RPA1: variants seen among roughly 807,000 people sequenced by gnomAD.
The protein encoded by RPA1 is replication protein A1, also known as replication protein A 70 kDa DNA-binding subunit.
A neutral mutation model predicts 83.0 loss-of-function variants in RPA1; 49 were observed. That is an observed-to-expected ratio of 0.59 (90% confidence interval 0.47 to 0.75). The LOEUF (loss-of-function observed/expected upper bound fraction) is 0.75. Ranked by LOEUF, RPA1 falls within the 30% of genes least tolerant of loss-of-function variation. The pLI is 0.00. For synonymous variants in RPA1, 279 were observed against 281.8 expected, an observed-to-expected ratio of 0.99 and a Z score of 0.10; for missense variants, 693 against 776.1, an observed-to-expected ratio of 0.89 and a Z score of 1.27.
intron 16 of RPA1, among the ~76,000 whole-genome samples, chr17:1,895,301 G>C (rs1914364702): frequency 6.6e-6 from 1 of 151,838 alleles, no homozygotes. Flanking sequence ...ACAATGGCGG[G>C]GGGGTGGGGA....
At chr17:1,896,597 G>A (rs952072202) in intron 16 of RPA1, among the ~76,000 whole-genome samples, 1 of 152,160 alleles carries the variant, frequency 6.6e-6, no homozygotes, top group Admixed American at 6.6e-5. Context: ...GAAGTGAAGA[G>A]AGGCTGCCTC....
chr17:1,864,646 CCAGTAATT>C (rs1913113334), intron 5 of RPA1, among the ~76,000 whole-genome samples: 1 of 151,894 alleles, frequency 6.6e-6, no homozygotes, highest in Non-Finnish European at 1.5e-5. Flanking sequence ...GGAATTGAAC[CCAGTAATT>C]CTTAGGCTGG....
chr17:1,853,227 A>G (rs753738992), intron 5 of RPA1, 38 bp downstream of exon 5: 22 of 1,400,432 alleles, frequency 1.6e-5, no homozygotes, highest in Non-Finnish European at 2.2e-5. Context: ...ACTCAAATGA[A>G]TACCTCTTTA....
intron 1 of RPA1, among the ~76,000 whole-genome samples, chr17:1,841,255 C>T (rs1390882241): frequency 6.6e-6 from 1 of 152,074 alleles, no homozygotes; most frequent in East Asian, 1.9e-4. Context: ...TCTATGTAAA[C>T]GATCATATTG....
chr17:1,837,795 G>C (rs1470736322), intron 1 of RPA1, among the ~76,000 whole-genome samples: 1 of 152,172 alleles, frequency 6.6e-6, no homozygotes, highest in Non-Finnish European at 1.5e-5. Flanking sequence ...TGAGTTGTGA[G>C]AATTCTTGAT....
At chr17:1,893,222 A>G (rs1597462333) in intron 15 of RPA1, among the ~76,000 whole-genome samples, 1 of 152,176 alleles carries the variant, frequency 6.6e-6, no homozygotes, top group African/African-American at 2.4e-5. Flanking sequence ...CAATTTTCGT[A>G]TCAGATTTTA....
chr17:1,875,161 G>A lies in RPA1; in HGVS notation c.455-500G>A, dbSNP rs531934011. ...TTCTTACAGACTTCATTCTAGACTT[G>A]CTAGTCCTTCAGACGCATTGAGATC... is the stretch of plus-strand genomic sequence containing the variant. On this transcript the variant is annotated intron_variant, in intron 6 of 16. Transcript: ENST00000254719. 9.8e-5 allele frequency among the ~76,000 whole-genome samples: 15 copies of A among 152,302 alleles called. No homozygotes were observed. In the South Asian group the frequency reaches 2.7e-3, roughly 27 times the overall value.
intron 4 of RPA1, 138 bp downstream of exon 4, chr17:1,844,824 C>T: frequency 1.9e-6 from 1 of 514,448 alleles, no homozygotes; most frequent in East Asian, 3.0e-5. Flanking sequence ...ACATGGCACC[C>T]AAGGAGGAGA....
chr17:1,862,998 G>A (rs1263036127), intron 5 of RPA1, among the ~76,000 whole-genome samples: 5 of 151,580 alleles, frequency 3.3e-5, no homozygotes, highest in Non-Finnish European at 5.9e-5. Context: ...GATTACAGGC[G>A]TGAGCCACCG....
chr17:1,861,992 C>T (rs924452471), intron 5 of RPA1, among the ~76,000 whole-genome samples: 32 of 151,920 alleles, frequency 2.1e-4, no homozygotes, highest in South Asian at 1.0e-3. Flanking sequence ...CTCCACCTCC[C>T]GGATTCACGC....
At chr17:1,879,194 G>A (rs1913679283) in intron 9 of RPA1, 21 bp from the exon 10 acceptor site, 1 of 1,611,454 alleles carries the variant, frequency 6.2e-7, no homozygotes, top group African/African-American at 1.3e-5. Flanking sequence ...CTCAGGTTCT[G>A]TGGCTTGGCC....
rs1912185922 is a variant in RPA1 at position 1,844,585 on chromosome 17, G to T, written c.171G>T (p.Met57Ile). Residue 57 changes from methionine (M) to isoleucine (I), a missense_variant, in exon 4 of 17, where the codon ATG (methionine) becomes ATT (isoleucine). Transcript: ENST00000254719. ...AATCTCTGTGGTTTTCAGCTTTCAT[G>T]TTGGCGACACAGTTGAACCCTCTCG... ...SDGLNTLSSF[M>I]LATQLNPLVE... The T allele has an allele frequency of 6.2e-7, 1 of 1,612,838 alleles. No homozygotes were observed. Among genetic ancestry groups the T allele is most frequent in the East Asian group, 2.2e-5 (1 of 44,872 alleles).
At chr17:1,853,245 G>A (rs953206106) in intron 5 of RPA1, 56 bp downstream of exon 5, 12 of 1,313,510 alleles carry the variant, frequency 9.1e-6, no homozygotes, top group Middle Eastern at 1.8e-4. Flanking sequence ...TTATATATTC[G>A]GAGTTCTACC....
chr17:1,864,311 C>T (rs1381514130), intron 5 of RPA1, among the ~76,000 whole-genome samples: 3 of 152,166 alleles, frequency 2.0e-5, no homozygotes, highest in East Asian at 3.9e-4. Flanking sequence ...CTGAGGTGGG[C>T]GAATCACCTG....
rs975402959 is a variant in RPA1 at position 1,877,112 on chromosome 17, G to A, written c.588-100G>A. The A allele has an allele frequency of 2.3e-5, 25 of 1,097,458 alleles. 1 individual carries two copies. Among genetic ancestry groups the A allele is most frequent in the Admixed American group, 1.4e-4 (7 of 49,336 alleles). The allele number at this position is 1,097,458 out of a possible 1,614,324, so 68.0% of individuals were successfully genotyped here. A position where few individuals can be genotyped will look rare whatever the true frequency, so the allele number is the denominator to read the frequency against. On this transcript the variant is annotated intron_variant, in intron 7 of 16. Coordinates refer to ENST00000254719, the MANE Select transcript of RPA1 (RefSeq NM_002945.5). ...TGGATTAAAATACAGGTTGGAAAAC[G>A]GAATATGCGTAAGACGAGAAAGGCT...
chr17:1,831,966 C>T (rs1330813146), intron 1 of RPA1, among the ~76,000 whole-genome samples: 1 of 127,038 alleles, frequency 7.9e-6, no homozygotes, highest in East Asian at 2.4e-4. Context: ...CCCCCACTAC[C>T]GCCCCAGGCT....
At chr17:1,878,946 G>A (rs1196697235) in intron 8 of RPA1, 47 bp from the exon 9 acceptor site, 2 of 1,594,546 alleles carry the variant, frequency 1.3e-6, no homozygotes, top group Middle Eastern at 1.7e-4. Flanking sequence ...TGCTGGGGTG[G>A]CCTGTGTTCA....
chr17:1,892,505 C>G (rs1010152411), intron 15 of RPA1, among the ~76,000 whole-genome samples: 1 of 152,184 alleles, frequency 6.6e-6, no homozygotes, highest in African/African-American at 2.4e-5. Flanking sequence ...TCGAAGCCAC[C>G]CGTTTCTCCT....
chr17:1,871,678 A>G (rs1913380625), intron 5 of RPA1, among the ~76,000 whole-genome samples: 1 of 152,240 alleles, frequency 6.6e-6, no homozygotes, highest in Non-Finnish European at 1.5e-5. Flanking sequence ...CTTCAGCTCC[A>G]TCAACATTTG....
Sources: allele counts gnomAD v4.1 joint callset (sites outside exome capture counted in the v4.1 genomes callset), GRCh38; gene constraint gnomAD v4.1.1; transcripts MANE v1.5; gene names NCBI Gene and HGNC (gene_info 2026-07-23, HGNC 2026-07-21).